The following FAM3D variants were observed in gnomAD, a reference collection of about 807,000 sequenced individuals.
FAM3D encodes the protein protein FAM3D.
In FAM3D, 26 loss-of-function variants were observed where a neutral mutation model predicts 29.8. The observed-to-expected ratio is 0.87, with a 90% CI of 0.64 to 1.21. The LOEUF (loss-of-function observed/expected upper bound fraction) is 1.21, where lower values mean the gene tolerates loss of function less well. Among genes scored for constraint, FAM3D ranks in the 50% most tolerant of loss-of-function variants. The pLI is 0.00. For synonymous variants in FAM3D, 115 were observed against 102.3 expected (o/e 1.12, Z -0.75); for missense variants, 253 against 290.9 (o/e 0.87, Z 0.95).
At position 58,634,516 on chromosome 3, in the gene FAM3D, G is replaced by A. The variant is rs1371572294; in HGVS notation, c.586-148C>T. 1.2e-5 allele frequency: 8 copies of A among 647,058 alleles called. No individual in the cohort carries two copies. Among genetic ancestry groups the A allele is most frequent in the African/African-American group, 9.3e-5 (5 of 53,764 alleles). 40.1% of individuals were successfully genotyped at this position (647,058 alleles called of 1,614,324 possible). ...ATGGGGAAACTGAGGCTCAGAGAGG[G>A]GATGCAACTTGCTCAAGATCTCAGA... On this transcript the variant is annotated intron_variant, in intron 9 of 9. Coordinates refer to ENST00000358781, the MANE Select transcript of FAM3D (RefSeq NM_138805.3). This position sits in a 1 kb window ranked among gnomAD's most constrained non-coding sequence, Gnocchi z 4.6.
chr3:58,647,966 C>T (rs890229675), intron 4 of FAM3D, among the ~76,000 whole-genome samples: 15 of 152,220 alleles, frequency 9.9e-5, no homozygotes, highest in African/African-American at 3.6e-4. Context: ...AAACAGGTTT[C>T]CTCTTAAATG....
At chr3:58,666,041 T>C (rs1350290370) in intron 1 of FAM3D, among the ~76,000 whole-genome samples, 1 of 152,200 alleles carries the variant, frequency 6.6e-6, no homozygotes, top group Non-Finnish European at 1.5e-5. Context: ...TTTCAGATCA[T>C]TACCTTATGA....
At chr3:58,659,032 G>T (rs1021190186) in intron 1 of FAM3D, among the ~76,000 whole-genome samples, 2 of 152,176 alleles carry the variant, frequency 1.3e-5, no homozygotes, top group Admixed American at 6.5e-5. Flanking sequence ...GACAGACCTG[G>T]GTTTGCCACT....
intron 6 of FAM3D, among the ~76,000 whole-genome samples, chr3:58,642,534 C>G (rs1228596817): frequency 6.6e-6 from 1 of 152,180 alleles, no homozygotes; most frequent in African/African-American, 2.4e-5. Context: ...TTAGAAAACT[C>G]TGTTTTCTAA....
At chr3:58,651,693 C>G (rs987977065) in intron 3 of FAM3D, among the ~76,000 whole-genome samples, 1 of 152,056 alleles carries the variant, frequency 6.6e-6, no homozygotes, top group Non-Finnish European at 1.5e-5. Context: ...ATTACTGCCC[C>G]TCTCCCACCT....
rs113494616 is a variant in FAM3D, at chr3:58,663,369, A to C, written c.-39+3207T>G. Among the ~76,000 whole-genome samples the C allele has an allele frequency of 3.6e-3, 552 of 152,306 alleles. 7 individuals carry two copies. Among genetic ancestry groups the C allele is most frequent in the African/African-American group, 0.013 (527 of 41,566 alleles). On this transcript the variant is annotated intron_variant, in intron 1 of 9. Coordinates refer to ENST00000358781, the MANE Select transcript of FAM3D (RefSeq NM_138805.3). ...GGAGAAAAGGCTCCCAGAGATGGAC[A>C]CAGAGTGCCGGGGGTGTCATGTGAG... is the stretch of plus-strand genomic sequence containing the variant.
intron 5 of FAM3D, among the ~76,000 whole-genome samples, chr3:58,644,413 A>G (rs2066420258): frequency 6.6e-6 from 1 of 152,218 alleles, no homozygotes; most frequent in South Asian, 2.1e-4. Flanking sequence ...AGGAGGCTGC[A>G]CAAGCTCTTT....
chr3:58,649,408 C>G, intron 3 of FAM3D, 70 bp from the exon 4 acceptor site: 5 of 1,549,888 alleles, frequency 3.2e-6, no homozygotes, highest in Non-Finnish European at 4.4e-6. Flanking sequence ...AGGTTGGGGG[C>G]TGGGGGCTGG....
intron 1 of FAM3D, among the ~76,000 whole-genome samples, chr3:58,659,288 G>T (rs1335914781): frequency 6.6e-6 from 1 of 152,210 alleles, no homozygotes; most frequent in Non-Finnish European, 1.5e-5. Context: ...TCTTTCTGCA[G>T]ACCCAAAATG....
At chr3:58,653,899 G>A (rs2066718141) in intron 2 of FAM3D, 118 bp from the exon 3 acceptor site, 2 of 772,394 alleles carry the variant, frequency 2.6e-6, no homozygotes, top group Non-Finnish European at 4.5e-6. Flanking sequence ...CCACATCCAT[G>A]CTGGGGACCA....
At chr3:58,638,022 T>A (rs1333358842) in intron 7 of FAM3D, among the ~76,000 whole-genome samples, 1 of 152,202 alleles carries the variant, frequency 6.6e-6, no homozygotes, top group East Asian at 1.9e-4. Flanking sequence ...GTAGCTGGAA[T>A]TACAGGCATG....
intron 7 of FAM3D, among the ~76,000 whole-genome samples, chr3:58,639,315 A>G (rs2066262423): frequency 6.6e-6 from 1 of 152,170 alleles, no homozygotes; most frequent in Non-Finnish European, 1.5e-5. Flanking sequence ...CTTCACATCA[A>G]TTTTATGGAG....
In FAM3D at chr3:58,653,742, G is replaced by A. The variant is rs547933815; in HGVS notation, c.53C>T (p.Thr18Met). The A allele has an allele frequency of 3.1e-5, 50 of 1,614,068 alleles. No homozygotes were observed. The highest frequency in any genetic ancestry group is 1.0e-4 in the Admixed American group (6 of 60,036). The change falls in exon 3 of 10, where the codon ACG becomes ATG. Residue 18 changes from threonine to methionine, a missense_variant. Physicochemically the swap from Thr to Met is moderately conservative, Grantham distance 81. Coordinates refer to ENST00000358781, the MANE Select transcript of FAM3D (RefSeq NM_138805.3). ...GTAGCTTCGAATAAACATCCATGTC[G>A]TGACTATGGCAAAGATGAGGGCCAG... The part of the protein sequence containing the change: ...RLLALIFAIV[T>M]TWMFIRSYMS...
chr3:58,660,464 G>A (rs534792393), intron 1 of FAM3D, among the ~76,000 whole-genome samples: 3 of 152,286 alleles, frequency 2.0e-5, no homozygotes, highest in African/African-American at 7.2e-5. Flanking sequence ...ATATTTATGG[G>A]CAATTATTGA....
At chr3:58,661,634 G>A (rs1281437279) in intron 1 of FAM3D, among the ~76,000 whole-genome samples, 1 of 152,194 alleles carries the variant, frequency 6.6e-6, no homozygotes, top group African/African-American at 2.4e-5. Context: ...AAGAGTGGGG[G>A]CTTTGGTGCC....
chr3:58,640,089 C>T (rs553451329), intron 7 of FAM3D, 38 bp downstream of exon 7: 109 of 1,611,240 alleles, frequency 6.8e-5, no homozygotes, highest in Non-Finnish European at 9.0e-5. Context: ...CTGCACCGCA[C>T]CCCCGACTGT....
intron 1 of FAM3D, among the ~76,000 whole-genome samples, chr3:58,664,591 G>A (rs894444617): frequency 8.5e-5 from 13 of 152,140 alleles, no homozygotes; most frequent in Admixed American, 6.5e-4. Flanking sequence ...ACTTATTACC[G>A]TCCTCATTCT....
intron 1 of FAM3D, among the ~76,000 whole-genome samples, chr3:58,662,507 C>T (rs2066951676): frequency 6.6e-6 from 1 of 152,174 alleles, no homozygotes; most frequent in Admixed American, 6.5e-5. Flanking sequence ...TTTAATTTTC[C>T]CAACAATCTT....
intron 1 of FAM3D, 100 bp from the exon 2 acceptor site, chr3:58,655,701 T>C (rs1229910796): frequency 2.0e-6 from 2 of 982,154 alleles, no homozygotes; most frequent in African/African-American, 3.2e-5. Flanking sequence ...GAGATCATAA[T>C]TCTTTCAGTT....
Sources: gnomAD v4.1 joint callset for allele counts (sites outside exome capture counted in the v4.1 genomes callset) on GRCh38, gnomAD v4.1.1 for gene constraint, Gnocchi (gnomAD v3.1) non-coding constraint, MANE v1.5 for transcripts, NCBI Gene and HGNC (gene_info 2026-07-23, HGNC 2026-07-21) for gene names.